AGTPBP1: variants seen among roughly 807,000 people sequenced by gnomAD.
AGTPBP1 encodes ATP/GTP binding carboxypeptidase 1.
A neutral mutation model predicts 143.9 loss-of-function variants in AGTPBP1; 70 were observed. The ratio of observed to expected loss-of-function variants is 0.49; its 90% CI spans 0.40 to 0.59. The LOEUF is 0.59. Ranked by LOEUF, AGTPBP1 falls within the 20% of genes least tolerant of loss-of-function variation. AGTPBP1 has a pLI of 0.00. For missense variants in AGTPBP1, 1,229 were observed against 1,464.5 expected, an observed-to-expected ratio of 0.84 and a Z score of 2.62; for synonymous variants, 463 against 500.2, an observed-to-expected ratio of 0.93 and a Z score of 0.99.
chr9:85,593,998 A>T (rs908567379), intron 18 of AGTPBP1, among the ~76,000 whole-genome samples: 3 of 152,200 alleles, frequency 2.0e-5, no homozygotes, highest in African/African-American at 7.2e-5. Context: ...AAATTGATAT[A>T]GTCTTCATTA....
At chr9:85,618,925 CT>C in intron 17 of AGTPBP1, 57 bp downstream of exon 17, 2 of 1,492,498 alleles carry the variant, frequency 1.3e-6, no homozygotes, top group Non-Finnish European at 1.8e-6. Context: ...AAAAAAACTT[CT>C]TTTCCACAGT....
At chr9:85,792,916 A>G in the AGTPBP1 span, among the ~76,000 whole-genome samples, 1 of 152,228 alleles carries the variant, frequency 6.6e-6, no homozygotes, top group Non-Finnish European at 1.5e-5. Flanking sequence ...ATTTTATATA[A>G]ACAAATCATA....
At chr9:85,751,568 A>G in the AGTPBP1 span, among the ~76,000 whole-genome samples, 1 of 152,082 alleles carries the variant, frequency 6.6e-6, no homozygotes, top group African/African-American at 2.4e-5. Flanking sequence ...TTAGTGATGG[A>G]CAACATCATT....
At chr9:85,644,433 G>GA (rs35208769) in intron 12 of AGTPBP1, among the ~76,000 whole-genome samples, 13,803 of 133,028 alleles carry the variant, frequency 0.1, 1,051 homozygotes, top group African/African-American at 0.22. Flanking sequence ...ATTTGGAGAG[G>GA]AAAAAAAAAA....
chr9:85,553,020 T>C (rs909406664), intron 25 of AGTPBP1, among the ~76,000 whole-genome samples: 5 of 152,226 alleles, frequency 3.3e-5, no homozygotes, highest in African/African-American at 1.2e-4. Flanking sequence ...CAGAAGATGT[T>C]TCATTTATAT....
chr9:85,675,134 G>C (rs1264427056), intron 6 of AGTPBP1, among the ~76,000 whole-genome samples: 1 of 152,054 alleles, frequency 6.6e-6, no homozygotes, highest in African/African-American at 2.4e-5. Context: ...CTGACCTCGT[G>C]ATCTGCCCAC....
chr9:85,673,154 C>T (rs1834597443), intron 6 of AGTPBP1, among the ~76,000 whole-genome samples: 1 of 151,958 alleles, frequency 6.6e-6, no homozygotes, highest in African/African-American at 2.4e-5. Context: ...AATTATAATC[C>T]TTTTTTGTAT....
intron 14 of AGTPBP1, among the ~76,000 whole-genome samples, chr9:85,623,577 G>A (rs1474992853): frequency 2.0e-5 from 3 of 152,016 alleles, no homozygotes; most frequent in Non-Finnish European, 4.4e-5. Flanking sequence ...CCAACATGGT[G>A]AAACCCCATC....
the AGTPBP1 span, chr9:85,787,934 A>T: frequency 6.6e-6 from 1 of 152,144 alleles, no homozygotes; most frequent in Non-Finnish European, 1.5e-5. Context: ...CATCTCACAT[A>T]GGACCCAAAC....
Position 85,722,321 on chromosome 9 carries a change from T to C in AGTPBP1, c.-33-9755A>G, listed in dbSNP as rs1026950228. Among the ~76,000 whole-genome samples the C allele has an allele frequency of 9.2e-5, 14 of 152,340 alleles. No individual in the cohort carries two copies. The South Asian group carries it at 2.7e-3, about 29-fold the overall frequency. ...TTCAGGAACACCAATCAAACGTAGA[T>C]TTGGTCTTTTCACATAGTCACATAT... On this transcript the variant is annotated intron_variant, in intron 1 of 25. Transcript: ENST00000357081.
At chr9:85,710,790 T>C (rs1402106642) in intron 2 of AGTPBP1, among the ~76,000 whole-genome samples, 1 of 152,074 alleles carries the variant, frequency 6.6e-6, no homozygotes, top group African/African-American at 2.4e-5. Flanking sequence ...AAAAGTAATT[T>C]CACATTTTTA....
intron 7 of AGTPBP1, among the ~76,000 whole-genome samples, chr9:85,672,258 A>G (rs1023164465): frequency 1.3e-5 from 2 of 152,048 alleles, no homozygotes; most frequent in African/African-American, 4.8e-5. Context: ...TATTAGAGAC[A>G]GAGTTTCCCC....
chr9:85,775,998 T>C, the AGTPBP1 span, among the ~76,000 whole-genome samples: 1 of 152,144 alleles, frequency 6.6e-6, no homozygotes, highest in East Asian at 1.9e-4. Context: ...AGTCCATCCC[T>C]TGTCAACTTG....
chr9:85,632,487 T>C (rs1297301732), intron 14 of AGTPBP1, among the ~76,000 whole-genome samples, 175 bp downstream of exon 14: 2 of 152,176 alleles, frequency 1.3e-5, no homozygotes, highest in African/African-American at 4.8e-5. Context: ...AGAAATAAAG[T>C]AAACCAACAA....
At chr9:85,635,417 G>A (rs1587792185) in intron 13 of AGTPBP1, among the ~76,000 whole-genome samples, 1 of 152,146 alleles carries the variant, frequency 6.6e-6, no homozygotes, top group Admixed American at 6.5e-5. Flanking sequence ...CCTTAAAAGG[G>A]TTAAAGGGGT....
chr9:85,573,084 C>T (rs1420716436), intron 25 of AGTPBP1, among the ~76,000 whole-genome samples: 1 of 151,990 alleles, frequency 6.6e-6, no homozygotes, highest in African/African-American at 2.4e-5. Context: ...CTCCCTCTCC[C>T]TCTCCCTCCC....
intron 17 of AGTPBP1, among the ~76,000 whole-genome samples, chr9:85,597,071 AT>A (rs757439567): frequency 2.6e-5 from 4 of 152,048 alleles, no homozygotes; most frequent in Admixed American, 6.5e-5. Context: ...AAGGCTGACA[AT>A]TTTTATTGAG....
Position 85,741,924 on chromosome 9 carries a change from T to TGCGGCGGCGGCGGCAGCTGCG in AGTPBP1, c.-184_-183insCGCAGCTGCCGCCGCCGCCGC. 7.6e-7 allele frequency: 1 copy of TGCGGCGGCGGCGGCAGCTGCG among 1,311,448 alleles called. No individual in the cohort carries two copies. Among genetic ancestry groups the TGCGGCGGCGGCGGCAGCTGCG allele is most frequent in the Non-Finnish European group, 9.7e-7 (1 of 1,033,084 alleles). 81.2% of individuals were successfully genotyped at this position (1,311,448 alleles called of 1,614,324 possible). On this transcript the variant is annotated 5_prime_UTR_variant, in exon 1 of 26. Transcript: ENST00000357081. ...AGGCGGAGGCGGCGGCGGCGGCAGCTGCGGCGGCGGCGCTGGAGGCGGCGG... is the reference window on the plus strand; with the variant it reads ...AGGCGGAGGCGGCGGCGGCGGCAGCTGCGGCGGCGGCGGCAGCTGCGGCGGCGGCGGCGCTGGAGGCGGCGG...
the AGTPBP1 span, among the ~76,000 whole-genome samples, chr9:85,769,120 A>G: frequency 6.6e-6 from 1 of 151,966 alleles, no homozygotes; most frequent in Admixed American, 6.6e-5. Flanking sequence ...AGTGGAGAGA[A>G]ATAACATGGG....
Sources: gnomAD v4.1 joint callset for allele counts (sites outside exome capture counted in the v4.1 genomes callset) on GRCh38, gnomAD v4.1.1 for gene constraint, MANE v1.5 for transcripts, NCBI Gene and HGNC (gene_info 2026-07-23, HGNC 2026-07-21) for gene names.